Variants in MEGF9 observed in about 807,000 individuals in gnomAD.
The protein encoded by MEGF9 is multiple epidermal growth factor-like domains protein 9.
MEGF9 carries 6 observed loss-of-function variants against 46.8 expected under a neutral mutation model. The ratio of observed to expected loss-of-function variants is 0.13; its 90% confidence interval spans 0.07 to 0.25. The LOEUF is 0.25. Ranked by LOEUF, MEGF9 falls within the 10% of genes least tolerant of loss-of-function variation. The probability of loss-of-function intolerance (pLI) is 1.00; values close to 1 mark genes in which losing one functional copy is unlikely to be tolerated. For synonymous variants in MEGF9, 302 were observed against 330.7 expected, an observed-to-expected ratio of 0.91 and a Z score of 0.94; for missense variants, 683 against 792.4, an observed-to-expected ratio of 0.86 and a Z score of 1.66.
chr9:120,669,328 G>A (rs2043738698), intron 1 of MEGF9, among the ~76,000 whole-genome samples: 1 of 152,020 alleles, frequency 6.6e-6, no homozygotes, highest in Non-Finnish European at 1.5e-5. Flanking sequence ...ATAAATGTCT[G>A]TTCAAATCAG....
At chr9:120,625,012 G>C (rs986544846) in intron 2 of MEGF9, among the ~76,000 whole-genome samples, 5 of 152,146 alleles carry the variant, frequency 3.3e-5, no homozygotes, top group Non-Finnish European at 5.9e-5. Flanking sequence ...GGTGGCACAT[G>C]CCTATAGTCC....
chr9:120,669,461 C>A (rs568983469), intron 1 of MEGF9, among the ~76,000 whole-genome samples: 1 of 151,754 alleles, frequency 6.6e-6, no homozygotes, highest in Non-Finnish European at 1.5e-5. Flanking sequence ...CAGAATTATA[C>A]CTAAAGGTTA....
intron 3 of MEGF9, among the ~76,000 whole-genome samples, chr9:120,615,289 A>G (rs544770593): frequency 3.6e-5 from 5 of 137,348 alleles, no homozygotes; most frequent in South Asian, 2.1e-4. Context: ...GTGTGTGTGC[A>G]TGTGTGTGTA....
In MEGF9 at chr9:120,604,090, A is replaced by G. The variant is rs1268767522; in HGVS notation, c.*1100T>C. On this transcript the variant is annotated 3_prime_UTR_variant, in exon 6 of 6. Transcript: ENST00000373930. Reference sequence around the variant, plus strand: ...GGGTGGCTAATGTCTAATTAGATTAATGTTTTTGGAGAATGCATCCTATGT... The same window carrying G: ...GGGTGGCTAATGTCTAATTAGATTAGTGTTTTTGGAGAATGCATCCTATGT... 1.3e-5 allele frequency: 2 copies of G among 152,628 alleles called. No homozygotes were observed. Among genetic ancestry groups the G allele is most frequent in the Admixed American group, 1.3e-4 (2 of 15,278 alleles). The allele number at this position is 152,628 out of a possible 1,614,324, so 9.5% of individuals were successfully genotyped here.
chr9:120,629,464 A>C (rs1283321833), intron 2 of MEGF9, among the ~76,000 whole-genome samples: 1 of 152,142 alleles, frequency 6.6e-6, no homozygotes, highest in Non-Finnish European at 1.5e-5. Context: ...ACATGGCAAA[A>C]CATCGTCTCT....
chr9:120,694,563 C>T (rs1326084713), intron 1 of MEGF9, among the ~76,000 whole-genome samples: 1 of 152,224 alleles, frequency 6.6e-6, no homozygotes, highest in African/African-American at 2.4e-5. Flanking sequence ...TGAGATTCTA[C>T]TGCCCTAGGT....
chr9:120,686,858 T>C (rs749609095), intron 1 of MEGF9, among the ~76,000 whole-genome samples: 3 of 152,220 alleles, frequency 2.0e-5, no homozygotes, highest in South Asian at 2.1e-4. Context: ...ATGGTTCATT[T>C]TGTAGTCAAA....
intron 2 of MEGF9, among the ~76,000 whole-genome samples, chr9:120,652,176 ACAC>A (rs1165675917): frequency 3.7e-5 from 3 of 81,118 alleles, no homozygotes; most frequent in Admixed American, 1.1e-4. Context: ...ACACACACAC[ACAC>A]ACAAAAAAAA....
At chr9:120,637,156 G>A (rs989084173) in intron 2 of MEGF9, among the ~76,000 whole-genome samples, 3 of 152,156 alleles carry the variant, frequency 2.0e-5, no homozygotes, top group African/African-American at 4.8e-5. Flanking sequence ...CATGTGCTGT[G>A]TCAACTCAGG....
intron 1 of MEGF9, among the ~76,000 whole-genome samples, chr9:120,673,044 T>G (rs1380279464): frequency 6.6e-6 from 1 of 152,060 alleles, no homozygotes; most frequent in Non-Finnish European, 1.5e-5. Flanking sequence ...AAAATAAGGT[T>G]GCAAGATACA....
intron 1 of MEGF9, among the ~76,000 whole-genome samples, chr9:120,672,726 T>C (rs1263325868): frequency 6.6e-6 from 1 of 152,082 alleles, no homozygotes; most frequent in Non-Finnish European, 1.5e-5. Context: ...ATAAATGACA[T>C]TAATAAGGTT....
At chr9:120,640,534 C>T (rs1260415760) in intron 2 of MEGF9, among the ~76,000 whole-genome samples, 1 of 152,022 alleles carries the variant, frequency 6.6e-6, no homozygotes, top group Non-Finnish European at 1.5e-5. Context: ...GTGCCTAGCA[C>T]AGTGCCTGGC....
Position 120,612,341 on chromosome 9 carries a change from A to G in MEGF9, c.1087+55T>C. On this transcript the variant is annotated intron_variant, in intron 4 of 5. Coordinates refer to ENST00000373930, the MANE Select transcript of MEGF9 (RefSeq NM_001080497.3). ...TTATTCATCAATGCAACTTATACCT[A>G]TTGATAACTGATTTTTTTTTCCCTC... is the stretch of plus-strand genomic sequence containing the variant. 2.6e-6 allele frequency: 4 copies of G among 1,567,442 alleles called. No individual in the cohort carries two copies. The South Asian group carries it at 3.5e-5, about 14-fold the overall frequency.
chr9:120,610,664 T>C (rs1210757006), intron 4 of MEGF9, among the ~76,000 whole-genome samples: 1 of 152,186 alleles, frequency 6.6e-6, no homozygotes, highest in South Asian at 2.1e-4. Flanking sequence ...TTATTCCCTC[T>C]TGGTGCATCC....
chr9:120,706,929 A>G (rs2043931799), intron 1 of MEGF9, among the ~76,000 whole-genome samples: 1 of 152,206 alleles, frequency 6.6e-6, no homozygotes, highest in Non-Finnish European at 1.5e-5. Flanking sequence ...GAAGAGTAGA[A>G]GTTTTCCCAG....
At chr9:120,660,672 G>A (rs2043698290) in intron 1 of MEGF9, among the ~76,000 whole-genome samples, 1 of 152,158 alleles carries the variant, frequency 6.6e-6, no homozygotes, top group Non-Finnish European at 1.5e-5. Context: ...TTAAAGGTCA[G>A]TTAGGATTCA....
At chr9:120,706,865 A>G (rs2043931507) in intron 1 of MEGF9, among the ~76,000 whole-genome samples, 2 of 152,236 alleles carry the variant, frequency 1.3e-5, no homozygotes, top group Admixed American at 1.3e-4. Flanking sequence ...AGAAAAGAAA[A>G]TTCTGGGAGA....
At chr9:120,608,080 A>C in intron 4 of MEGF9, 70 bp from the exon 5 acceptor site, 1 of 1,534,358 alleles carries the variant, frequency 6.5e-7, no homozygotes, top group South Asian at 1.2e-5. Context: ...AACAACTACT[A>C]GTCCTTAAAA....
intron 4 of MEGF9, 30 bp downstream of exon 4, chr9:120,612,366 C>A (rs958478093): frequency 1.3e-6 from 2 of 1,585,682 alleles, no homozygotes; most frequent in Admixed American, 1.9e-5. Flanking sequence ...TTTTTTCCCT[C>A]TAAAATGAAA....
Sources: gnomAD v4.1 joint callset for allele counts (sites outside exome capture counted in the v4.1 genomes callset) on GRCh38, gnomAD v4.1.1 for gene constraint, MANE v1.5 for transcripts, NCBI Gene and HGNC (gene_info 2026-07-23, HGNC 2026-07-21) for gene names.